The following SLC5A4 variants were observed in gnomAD, a reference collection of about 807,000 sequenced individuals.
SLC5A4 encodes solute carrier family 5 member 4.
In SLC5A4, 55 loss-of-function variants were observed where a neutral mutation model predicts 70.3. That is an observed-to-expected ratio of 0.78 (90% CI 0.63 to 0.98). The LOEUF (loss-of-function observed/expected upper bound fraction) is 0.98. Ranked by LOEUF, SLC5A4 falls within the 50% of genes least tolerant of loss-of-function variation. The probability of loss-of-function intolerance (pLI) is 0.00; values close to 1 mark genes in which losing one functional copy is unlikely to be tolerated. For missense variants in SLC5A4, 735 were observed against 839.2 expected (o/e 0.88, Z 1.53); for synonymous variants, 268 against 305.7 (o/e 0.88, Z 1.29).
the SLC5A4 span, among the ~76,000 whole-genome samples, chr22:32,274,960 A>T: frequency 6.6e-6 from 1 of 152,192 alleles, no homozygotes; most frequent in Non-Finnish European, 1.5e-5. Flanking sequence ...TTCCCTATTC[A>T]AGCTCTTTCT....
intron 2 of SLC5A4, among the ~76,000 whole-genome samples, chr22:32,253,599 A>G (rs1426263676): frequency 6.6e-6 from 1 of 152,126 alleles, no homozygotes; most frequent in Non-Finnish European, 1.5e-5. Context: ...AAAAGAATAT[A>G]AGGTGGGGCT....
the SLC5A4 span, among the ~76,000 whole-genome samples, chr22:32,349,408 A>G: frequency 6.6e-6 from 1 of 152,252 alleles, no homozygotes; most frequent in Non-Finnish European, 1.5e-5. Flanking sequence ...TAGCATAGCT[A>G]GGAGGCATGG....
At chr22:32,308,802 ATG>A in the SLC5A4 span, among the ~76,000 whole-genome samples, 27 of 152,250 alleles carry the variant, frequency 1.8e-4, no homozygotes, top group Non-Finnish European at 2.8e-4. Flanking sequence ...GTGTCCATGC[ATG>A]TGTGTGCATG....
At chr22:32,305,448 G>A in the SLC5A4 span, among the ~76,000 whole-genome samples, 174 of 148,966 alleles carry the variant, frequency 1.2e-3, 13 homozygotes, top group Middle Eastern at 3.4e-3. Context: ...TTGAAGCATC[G>A]GATGACGAGA....
chr22:32,264,353 C>T, the SLC5A4 span, among the ~76,000 whole-genome samples: 1 of 151,974 alleles, frequency 6.6e-6, no homozygotes, highest in African/African-American at 2.4e-5. Context: ...GCAGGAGGAT[C>T]ACTTGAGCCA....
chr22:32,272,469 G>A, the SLC5A4 span: 3 of 763,864 alleles, frequency 3.9e-6, no homozygotes, highest in South Asian at 2.9e-5. Context: ...ACTTCATCCT[G>A]GCAGCCGACC....
the SLC5A4 span, among the ~76,000 whole-genome samples, chr22:32,262,597 G>C: frequency 2.2e-4 from 33 of 152,134 alleles, no homozygotes; most frequent in African/African-American, 7.7e-4. Flanking sequence ...ACCAGTTCCA[G>C]GTCTGTTGTT....
chr22:32,237,421 T>A, intron 6 of SLC5A4, 97 bp from the exon 7 acceptor site: 1 of 784,764 alleles, frequency 1.3e-6, no homozygotes, highest in Non-Finnish European at 2.0e-6. Context: ...ACCCTGGAAA[T>A]GACCCAGTAG....
At position 32,225,742 on chromosome 22, in the gene SLC5A4, A is replaced by T; in HGVS notation, c.1362T>A (p.His454Gln). The T allele has an allele frequency of 6.2e-7, 1 of 1,612,624 alleles. No homozygotes were observed. Among genetic ancestry groups the T allele is most frequent in the South Asian group, 1.1e-5 (1 of 91,034 alleles). The change falls in exon 12 of 15, where the codon CAT becomes CAA. Residue 454 changes from histidine (H) to glutamine (Q), a missense_variant. Physicochemically the swap from His to Gln is conservative, Grantham distance 24. Transcript: ENST00000266086. ...GGTAGCTAGAAATTGATTCTGTGTA[A>T]TGGATTAGTTGTCCATTTTGAGAAA... ...VQVSQNGQLI[H>Q]YTESISSYLG... is the part of the protein sequence containing the mutation.
chr22:32,327,630 G>C, the SLC5A4 span, among the ~76,000 whole-genome samples: 3 of 152,222 alleles, frequency 2.0e-5, no homozygotes, highest in South Asian at 4.1e-4. Flanking sequence ...CTTTATGGGA[G>C]TTTGCTGAAT....
At chr22:32,292,208 AAT>A in the SLC5A4 span, among the ~76,000 whole-genome samples, 1,854 of 73,364 alleles carry the variant, frequency 0.025, 228 homozygotes, top group African/African-American at 0.14. Context: ...GATATTATAT[AAT>A]ATATATATTA....
chr22:32,295,061 T>G, the SLC5A4 span, among the ~76,000 whole-genome samples: 1 of 98,172 alleles, frequency 1.0e-5, no homozygotes, highest in African/African-American at 3.8e-5. Flanking sequence ...ATCCAGTCTA[T>G]CATTGTTGGA....
intron 5 of SLC5A4, among the ~76,000 whole-genome samples, chr22:32,239,566 A>ATATT (rs1926351350): frequency 1.3e-4 from 3 of 23,514 alleles, no homozygotes; most frequent in Non-Finnish European, 1.6e-4. Context: ...ATATATATAT[A>ATATT]TATTTATATA....
At chr22:32,262,804 C>G in the SLC5A4 span, among the ~76,000 whole-genome samples, 1 of 152,104 alleles carries the variant, frequency 6.6e-6, no homozygotes, top group Non-Finnish European at 1.5e-5. Context: ...GAGTCTCACT[C>G]TGTTGCCCAG....
At chr22:32,272,304 A>C in the SLC5A4 span, 1 of 820,676 alleles carries the variant, frequency 1.2e-6, no homozygotes. Flanking sequence ...GAAGGAGCAG[A>C]AGGGGCCCGT....
the SLC5A4 span, among the ~76,000 whole-genome samples, chr22:32,334,624 G>A: frequency 0.026 from 3,975 of 152,232 alleles, 104 homozygotes; most frequent in Admixed American, 0.084. Context: ...TCCCTTAAAC[G>A]AACGGAACCA....
intron 2 of SLC5A4, among the ~76,000 whole-genome samples, chr22:32,252,090 C>T (rs1046830721): frequency 1.3e-5 from 2 of 151,964 alleles, no homozygotes; most frequent in Non-Finnish European, 2.9e-5. Flanking sequence ...ATCAGCCGGG[C>T]GTGGTGGTGG....
At chr22:32,313,753 G>A in the SLC5A4 span, among the ~76,000 whole-genome samples, 1 of 152,208 alleles carries the variant, frequency 6.6e-6, no homozygotes, top group Admixed American at 6.5e-5. Context: ...GCAAGCAGGG[G>A]TGGTCACATG....
At chr22:32,268,890 A>C in the SLC5A4 span, among the ~76,000 whole-genome samples, 1 of 152,104 alleles carries the variant, frequency 6.6e-6, no homozygotes, top group East Asian at 1.9e-4. Flanking sequence ...ATACTATTTA[A>C]AGTATTTTTT....
Sources: allele counts gnomAD v4.1 joint callset (sites outside exome capture counted in the v4.1 genomes callset), GRCh38; gene constraint gnomAD v4.1.1; transcripts MANE v1.5; gene names NCBI Gene and HGNC (gene_info 2026-07-23, HGNC 2026-07-21).